Variants in LRIF1 observed in about 807,000 individuals in gnomAD.
The protein encoded by LRIF1 is ligand-dependent nuclear receptor-interacting factor 1.
LRIF1 carries 32 observed loss-of-function variants against 52.7 expected under a neutral mutation model. The observed-to-expected ratio is 0.61, with a 90% CI of 0.46 to 0.82. The LOEUF (loss-of-function observed/expected upper bound fraction) is 0.82. Among genes scored for constraint, LRIF1 ranks in the 40% least tolerant of loss-of-function variants. The pLI is 0.00. For missense variants in LRIF1, 887 were observed against 892.0 expected, an observed-to-expected ratio of 0.99 and a Z score of 0.07; for synonymous variants, 323 against 317.4, an observed-to-expected ratio of 1.02 and a Z score of -0.19.
chr1:110,886,713 G>A, the LRIF1 span, among the ~76,000 whole-genome samples: 1 of 151,606 alleles, frequency 6.6e-6, no homozygotes, highest in African/African-American at 2.4e-5. Flanking sequence ...GTTGGGCATG[G>A]TGGCACGTGC....
At chr1:110,934,168 A>G in the LRIF1 span, among the ~76,000 whole-genome samples, 1 of 152,208 alleles carries the variant, frequency 6.6e-6, no homozygotes, top group African/African-American at 2.4e-5. Context: ...AAAGCCCTTC[A>G]GTCCTGAATT....
intron 1 of LRIF1, among the ~76,000 whole-genome samples, chr1:110,961,701 A>AT (rs1418098936): frequency 6.6e-6 from 1 of 152,184 alleles, no homozygotes; most frequent in African/African-American, 2.4e-5. Flanking sequence ...AAAATAAATG[A>AT]TTTAGTACCA....
In LRIF1 at chr1:110,951,575, T is replaced by C. The variant is rs752269793; in HGVS notation, c.1309A>G (p.Met437Val). The C allele has an allele frequency of 1.9e-6, 3 of 1,614,136 alleles. No individual in the cohort carries two copies. The highest frequency in any genetic ancestry group is 2.7e-5 in the African/African-American group (2 of 75,054). ...TTCTTCTCTGCCCTTAGATTGGCCA[T>C]GGAAGCAAGCTGGGTATTGGAAAGT... ...KSLSNTQLAS[M>V]ANLRAEKNKV... is the part of the protein sequence containing the mutation. The change falls in exon 2 of 4, where the codon ATG becomes GTG. Residue 437 changes from methionine to valine, a missense_variant. Coordinates refer to ENST00000369763, the MANE Select transcript of LRIF1 (RefSeq NM_018372.4).
At chr1:110,934,801 T>G in the LRIF1 span, among the ~76,000 whole-genome samples, 11 of 152,308 alleles carry the variant, frequency 7.2e-5, no homozygotes, top group Admixed American at 4.6e-4. Context: ...CGGGCCTGGC[T>G]GGCTTTGCCA....
In LRIF1 at chr1:110,963,682, T is replaced by C. The variant is rs555691256; in HGVS notation, c.7A>G (p.Asn3Asp). 4 of 1,606,004 alleles carry C rather than the reference T, an allele frequency of 2.5e-6. No homozygotes were observed. Among genetic ancestry groups the C allele is most frequent in the South Asian group, 2.2e-5 (2 of 90,500 alleles). Reference protein sequence around the residue: MSNNLRRVFLKPA... With the variant: MSDNLRRVFLKPA... ...TTCAGGAAGACCCTCCGTAGGTTAT[T>C]TGACATTTTAGTGGGGAGAAAGGGG... Residue 3 changes from asparagine (N) to aspartate (D), a missense_variant, in exon 1 of 4, where the codon AAT becomes GAT. Asn to Asp is a conservative substitution (Grantham distance 23). Coordinates refer to ENST00000369763, the MANE Select transcript of LRIF1 (RefSeq NM_018372.4).
Position 110,948,248 on chromosome 1 carries a change from T to A in LRIF1, c.2021A>T (p.Asp674Val). 1 of 1,614,172 alleles carries A rather than the reference T, an allele frequency of 6.2e-7. No homozygotes were observed. The change falls in exon 4 of 4, where the codon GAT becomes GTT. Residue 674 changes from aspartate (D) to valine (V), a missense_variant. Transcript: ENST00000369763. ...CGTGAGAATGTTATGTTGTGACACA[T>A]CTGAAGTTGGTAAAATACTGCTTAG... is the stretch of plus-strand genomic sequence containing the variant. ...QLLSSILPTS[D>V]VSQHNILTSH...
chr1:110,887,496 G>A, the LRIF1 span, among the ~76,000 whole-genome samples: 1 of 152,174 alleles, frequency 6.6e-6, no homozygotes. Context: ...GTGAATCTAT[G>A]TGTAAATTTT....
At chr1:110,892,194 G>A in the LRIF1 span, 2 of 683,560 alleles carry the variant, frequency 2.9e-6, no homozygotes, top group African/African-American at 3.5e-5. Flanking sequence ...TCCAATGTAA[G>A]CATGGAAAAG....
chr1:110,918,877 TC>T, the LRIF1 span, among the ~76,000 whole-genome samples: 12 of 151,924 alleles, frequency 7.9e-5, no homozygotes, highest in Admixed American at 5.2e-4. Flanking sequence ...GAAAAACCAC[TC>T]CCTCCACCCA....
the LRIF1 span, among the ~76,000 whole-genome samples, chr1:110,887,058 G>GTTTATTTTATTTTAT: frequency 0.019 from 2,730 of 146,712 alleles, 35 homozygotes; most frequent in African/African-American, 0.03. Context: ...CTCTATTTAT[G>GTTTATTTTATTTTAT]TTTATTTTAT....
chr1:110,963,765 C>A lies in LRIF1; in HGVS notation c.-77G>T. 8.4e-7 allele frequency: 1 copy of A among 1,195,126 alleles called. No individual in the cohort carries two copies. Among genetic ancestry groups the A allele is most frequent in the Non-Finnish European group, 1.2e-6 (1 of 828,464 alleles). 74.0% of individuals were successfully genotyped at this position (1,195,126 alleles called of 1,614,324 possible). A position where few individuals can be genotyped will look rare whatever the true frequency, so the allele number is the denominator to read the frequency against. On this transcript the variant is annotated 5_prime_UTR_variant, in exon 1 of 4. Transcript: ENST00000369763. ...CCGAGTTTCCCAATGGGGCGAGAACCAGAGCGAGGGAATGTTGGGCTGGAG... is the reference window on the plus strand; with the variant it reads ...CCGAGTTTCCCAATGGGGCGAGAACAAGAGCGAGGGAATGTTGGGCTGGAG...
At chr1:110,939,463 A>G in the LRIF1 span, 4 of 151,376 alleles carry the variant, frequency 2.6e-5, no homozygotes, top group Admixed American at 6.6e-5. Flanking sequence ...AATGACATTC[A>G]TCACAGAAAT....
chr1:110,953,830 T>C (rs1288015698), intron 1 of LRIF1, among the ~76,000 whole-genome samples: 1 of 152,242 alleles, frequency 6.6e-6, no homozygotes, highest in Non-Finnish European at 1.5e-5. Context: ...ATAAATGATA[T>C]TTCTCAAGAG....
chr1:110,948,271 T>A lies in LRIF1; in HGVS notation c.1998A>T (p.Leu666=), dbSNP rs1658295809. The change falls in exon 4 of 4, where the codon CTA becomes CTT. Residue 666 remains leucine (L), a synonymous_variant. Coordinates refer to ENST00000369763, the MANE Select transcript of LRIF1 (RefSeq NM_018372.4). ...CATCTGAAGTTGGTAAAATACTGCT[T>A]AGGAGTTGGGAACCGGTGACATTAG... ...GEANVTGSQL[L]SSILPTSDVS... 6.2e-7 allele frequency: 1 copy of A among 1,614,122 alleles called. No homozygotes were observed. Among genetic ancestry groups the A allele is most frequent in the Non-Finnish European group, 8.5e-7 (1 of 1,179,992 alleles).
the LRIF1 span, chr1:110,894,226 A>C: frequency 1.1e-6 from 1 of 936,606 alleles, no homozygotes; most frequent in Admixed American, 1.9e-5. Context: ...GAACAGGAAC[A>C]CCCTGTACTC....
chr1:110,942,695 A>C (rs990846252), downstream of LRIF1, among the ~76,000 whole-genome samples: 6 of 152,116 alleles, frequency 3.9e-5, no homozygotes, highest in Admixed American at 2.6e-4. Flanking sequence ...GTGGACTCCA[A>C]AGGATTTCCA....
chr1:110,914,877 C>A, the LRIF1 span, among the ~76,000 whole-genome samples: 1 of 152,156 alleles, frequency 6.6e-6, no homozygotes, highest in Non-Finnish European at 1.5e-5. Flanking sequence ...TTTCATGGTA[C>A]AACAATGTTT....
At chr1:110,955,742 A>G (rs535747583) in intron 1 of LRIF1, among the ~76,000 whole-genome samples, 2 of 152,184 alleles carry the variant, frequency 1.3e-5, no homozygotes, top group East Asian at 3.9e-4. Flanking sequence ...AGGGGAAGAG[A>G]ACGACTGGCA....
chr1:110,957,300 A>G (rs12025578), intron 1 of LRIF1, among the ~76,000 whole-genome samples: 1 of 104,892 alleles, frequency 9.5e-6, no homozygotes, highest in African/African-American at 4.2e-5. Context: ...TACTAAAAAT[A>G]CAAAAAAAAA....
Sources: gnomAD v4.1 joint callset for allele counts (sites outside exome capture counted in the v4.1 genomes callset) on GRCh38, gnomAD v4.1.1 for gene constraint, MANE v1.5 for transcripts, NCBI Gene and HGNC (gene_info 2026-07-23, HGNC 2026-07-21) for gene names.